JAKMIP1: variants seen among roughly 807,000 people sequenced by gnomAD.
JAKMIP1 encodes the protein janus kinase and microtubule-interacting protein 1.
In JAKMIP1, 33 loss-of-function variants were observed where a neutral mutation model predicts 113.0. That is an observed-to-expected ratio of 0.29 (90% confidence interval 0.22 to 0.39). JAKMIP1 has a LOEUF of 0.39. Among genes scored for constraint, JAKMIP1 ranks in the 10% least tolerant of loss-of-function variants. The probability of loss-of-function intolerance (pLI) is 1.00; values close to 1 mark genes in which losing one functional copy is unlikely to be tolerated. For synonymous variants in JAKMIP1, 480 were observed against 459.9 expected, an observed-to-expected ratio of 1.04 and a Z score of -0.56; for missense variants, 813 against 1,080.5, an observed-to-expected ratio of 0.75 and a Z score of 3.47.
rs1471501933 is a variant in JAKMIP1 at position 6,157,033 on chromosome 4, C to T, written c.-148+43220G>A. 6.6e-6 allele frequency among the ~76,000 whole-genome samples: 1 copy of T among 152,182 alleles called. No individual in the cohort carries two copies. The highest frequency in any genetic ancestry group is 1.9e-4 in the East Asian group (1 of 5,196). On this transcript the variant is annotated intron_variant, in intron 1 of 20. Transcript: ENST00000409021. The surrounding 1 kb of genome is among the most constrained non-coding windows in gnomAD (Gnocchi z 4.7). ...GATTGGGTCATGAGGGCTCTAACCTCATGAATGGATTAATGCCATTATTGC... is the reference window on the plus strand; with the variant it reads ...GATTGGGTCATGAGGGCTCTAACCTTATGAATGGATTAATGCCATTATTGC...
intron 3 of JAKMIP1, among the ~76,000 whole-genome samples, chr4:6,092,531 G>C (rs77268929): frequency 4.6e-5 from 7 of 152,172 alleles, no homozygotes; most frequent in Admixed American, 2.0e-4. Flanking sequence ...GAACATTGTT[G>C]GTTCTGCCCA....
chr4:6,102,221 T>C (rs1378308584), intron 3 of JAKMIP1, among the ~76,000 whole-genome samples: 1 of 152,230 alleles, frequency 6.6e-6, no homozygotes, highest in Non-Finnish European at 1.5e-5. Context: ...TTTGTGTGTA[T>C]GTACCTTGTA....
chr4:6,127,358 G>A (rs888451869), intron 1 of JAKMIP1, among the ~76,000 whole-genome samples: 3 of 152,334 alleles, frequency 2.0e-5, no homozygotes, highest in South Asian at 2.1e-4. Context: ...AACTCACACC[G>A]TGGAGTTTGC....
intron 1 of JAKMIP1, among the ~76,000 whole-genome samples, chr4:6,146,450 A>G (rs1720861630): frequency 2.0e-5 from 3 of 151,422 alleles, no homozygotes; most frequent in African/African-American, 4.9e-5. Context: ...ATGTGTCAAC[A>G]CTCCCAGCTA....
At chr4:6,078,467 C>T (rs1183203348) in intron 8 of JAKMIP1, among the ~76,000 whole-genome samples, 13 of 146,642 alleles carry the variant, frequency 8.9e-5, no homozygotes, top group Non-Finnish European at 3.0e-5. Context: ...TCCCTGTGGG[C>T]ATTTGAATTT....
Position 6,094,284 on chromosome 4 carries a change from C to T in JAKMIP1, c.625-8655G>A, listed in dbSNP as rs1161363095. ...ATGGAGTGCCCGGAAAATATATAGC[C>T]TCTCTTCCGTAATTTTCTGGCAAAA... On this transcript the variant is annotated intron_variant, in intron 3 of 20. Coordinates refer to ENST00000409021, the MANE Select transcript of JAKMIP1 (RefSeq NM_001099433.2). This position sits in a 1 kb window ranked among gnomAD's most constrained non-coding sequence, Gnocchi z 4.2. Among the ~76,000 whole-genome samples, 1 of 152,228 alleles carries T rather than the reference C, an allele frequency of 6.6e-6. No homozygotes were observed. Among genetic ancestry groups the T allele is most frequent in the African/African-American group, 2.4e-5 (1 of 41,452 alleles).
At chr4:6,170,359 CACCACCTCT>C (rs1724324320) in intron 1 of JAKMIP1, among the ~76,000 whole-genome samples, 8 of 151,082 alleles carry the variant, frequency 5.3e-5, no homozygotes, top group African/African-American at 9.7e-5. Context: ...CCACCACCAC[CACCACCTCT>C]ATCACCACCA....
At position 6,069,134 on chromosome 4, in the gene JAKMIP1, G is replaced by A. The variant is rs544428268; in HGVS notation, c.1303-4126C>T. Among the ~76,000 whole-genome samples, 30 of 152,210 alleles carry A rather than the reference G, an allele frequency of 2.0e-4. No homozygotes were observed. The highest frequency in any genetic ancestry group is 3.1e-4 in the Non-Finnish European group (21 of 68,016). ...TTGCACTGCATTTTCAAAAAATGCA[G>A]GAAATAATTCACCACCTGCTTCTCA... On this transcript the variant is annotated intron_variant, in intron 8 of 20. Coordinates refer to ENST00000409021, the MANE Select transcript of JAKMIP1 (RefSeq NM_001099433.2). The surrounding 1 kb of genome is among the most constrained non-coding windows in gnomAD (Gnocchi z 4.5).
chr4:6,048,787 T>A lies in JAKMIP1; in HGVS notation c.2028+70A>T, dbSNP rs1715304493. 3.1e-6 allele frequency: 4 copies of A among 1,307,752 alleles called. No homozygotes were observed. The South Asian group carries it at 4.8e-5, about 16-fold the overall frequency. 81.0% of individuals were successfully genotyped at this position (1,307,752 alleles called of 1,614,324 possible). A position where few individuals can be genotyped will look rare whatever the true frequency, so the allele number is the denominator to read the frequency against. On this transcript the variant is annotated intron_variant, in intron 16 of 20. Transcript: ENST00000409021. The stretch of plus-strand genomic sequence containing the variant: ...GCTCCCACGCAAAGCAAGACGCCAA[T>A]GTACAGTTTCTTGTATGGTGCTGGG...
chr4:6,057,046 C>T (rs1449640388), intron 11 of JAKMIP1, among the ~76,000 whole-genome samples: 2 of 152,186 alleles, frequency 1.3e-5, no homozygotes, highest in East Asian at 3.9e-4. Flanking sequence ...GACTGGTCCA[C>T]ACTGGCAGAC....
rs1713949154 is a variant in JAKMIP1 at position 6,106,351 on chromosome 4, G to GCC, written c.130-385_130-384insGG. On this transcript the variant is annotated intron_variant, in intron 2 of 20. Coordinates refer to ENST00000409021, the MANE Select transcript of JAKMIP1 (RefSeq NM_001099433.2). This position sits in a 1 kb window ranked among gnomAD's most constrained non-coding sequence, Gnocchi z 5.9. Reference sequence around the variant, plus strand: ...GAAATATATTTCCAGGGCCCCATGCGCGGACTGTGGAGTTGGAAAAGACAG... The same window carrying GCC: ...GAAATATATTTCCAGGGCCCCATGCGCCCGGACTGTGGAGTTGGAAAAGACAG... 6.6e-6 allele frequency among the ~76,000 whole-genome samples: 1 copy of GCC among 151,988 alleles called. No homozygotes were observed. The highest frequency in any genetic ancestry group is 1.5e-5 in the Non-Finnish European group (1 of 68,020).
chr4:6,040,617 T>A lies in JAKMIP1; in HGVS notation c.2175+22A>T, dbSNP rs748523796. ...ATGTGGAGTCTAAGAAGCCAAAGTGTCAAACCCACTTCTGGTCCTACCAGG... is the reference window on the plus strand; with the variant it reads ...ATGTGGAGTCTAAGAAGCCAAAGTGACAAACCCACTTCTGGTCCTACCAGG... On this transcript the variant is annotated intron_variant, in intron 18 of 20. Coordinates refer to ENST00000409021, the MANE Select transcript of JAKMIP1 (RefSeq NM_001099433.2). The surrounding 1 kb of genome is among the most constrained non-coding windows in gnomAD (Gnocchi z 5.8). 3.1e-6 allele frequency: 5 copies of A among 1,591,574 alleles called. No individual in the cohort carries two copies. Among genetic ancestry groups the A allele is most frequent in the Non-Finnish European group, 4.3e-6 (5 of 1,160,602 alleles).
intron 5 of JAKMIP1, among the ~76,000 whole-genome samples, chr4:6,084,507 AC>A (rs1432568260): frequency 2.6e-5 from 4 of 151,998 alleles, no homozygotes; most frequent in Admixed American, 6.6e-5. Flanking sequence ...ACTCTGCCCT[AC>A]GCTTTAGTAT....
At chr4:6,098,720 GAAAA>G (rs370319006) in intron 3 of JAKMIP1, among the ~76,000 whole-genome samples, 1 of 80,284 alleles carries the variant, frequency 1.2e-5, no homozygotes, top group Non-Finnish European at 2.8e-5. Context: ...AAGAAAGAAA[GAAAA>G]AGAAAGAAAG....
intron 1 of JAKMIP1, among the ~76,000 whole-genome samples, chr4:6,131,181 C>T (rs1049741059): frequency 3.2e-4 from 10 of 30,798 alleles, no homozygotes; most frequent in African/African-American, 1.3e-3. Context: ...AAAAATATCC[C>T]AGGACTATAA....
chr4:6,119,218 C>T (rs991318960), intron 1 of JAKMIP1, among the ~76,000 whole-genome samples: 2 of 152,170 alleles, frequency 1.3e-5, no homozygotes, highest in Non-Finnish European at 2.9e-5. Context: ...ATAGAGGCCA[C>T]AGGAAATTAA....
At chr4:6,128,205 C>A (rs1718010279) in intron 1 of JAKMIP1, among the ~76,000 whole-genome samples, 1 of 152,182 alleles carries the variant, frequency 6.6e-6, no homozygotes, top group Admixed American at 6.5e-5. Flanking sequence ...GTGGGTCACT[C>A]GGGGTCTAGG....
intron 1 of JAKMIP1, among the ~76,000 whole-genome samples, chr4:6,147,453 A>G (rs1231859457): frequency 6.6e-6 from 1 of 152,232 alleles, no homozygotes; most frequent in Non-Finnish European, 1.5e-5. Context: ...AGCTGAGGCC[A>G]GGCTGGGCTC....
rs1374546283 is a variant in JAKMIP1, at chr4:6,150,119, A to C, written c.-147-37122T>G. Among the ~76,000 whole-genome samples, 50 of 152,196 alleles carry C rather than the reference A, an allele frequency of 3.3e-4. No individual in the cohort carries two copies. Among genetic ancestry groups the C allele is most frequent in the Admixed American group, 3.3e-3 (50 of 15,268 alleles). ...ATGCCAAGCTCTGGGGAAGAAAGTG[A>C]ATGATACAGGTAGTGCCCCCTTCGG... On this transcript the variant is annotated intron_variant, in intron 1 of 20. Coordinates refer to ENST00000409021, the MANE Select transcript of JAKMIP1 (RefSeq NM_001099433.2). This position sits in a 1 kb window ranked among gnomAD's most constrained non-coding sequence, Gnocchi z 4.8.
Sources: allele counts gnomAD v4.1 joint callset (sites outside exome capture counted in the v4.1 genomes callset), GRCh38; gene constraint gnomAD v4.1.1; non-coding constraint Gnocchi (gnomAD v3.1); transcripts MANE v1.5; gene names NCBI Gene and HGNC (gene_info 2026-07-23, HGNC 2026-07-21).